The following TLCD4 variants were observed in gnomAD, a reference collection of about 807,000 sequenced individuals.
TLCD4 encodes the protein TLC domain-containing protein 4.
In TLCD4, 7 loss-of-function variants were observed where a neutral mutation model predicts 24.2. The ratio of observed to expected loss-of-function variants is 0.29; its 90% CI spans 0.16 to 0.54. TLCD4 has a LOEUF of 0.54. TLCD4 is among the 20% of genes least tolerant of loss of function. The pLI, the probability that TLCD4 is intolerant of heterozygous loss-of-function variation, is 0.95. For synonymous variants in TLCD4, 103 were observed against 106.4 expected (o/e 0.97, Z 0.20); for missense variants, 259 against 313.9 (o/e 0.82, Z 1.32).
At chr1:95,127,098 C>T (rs530271238) in intron 1 of TLCD4, among the ~76,000 whole-genome samples, 64 of 152,306 alleles carry the variant, frequency 4.2e-4, no homozygotes, top group Middle Eastern at 3.4e-3. Context: ...TTTAAAGAAC[C>T]CGCAGGTCAC....
At chr1:95,166,414 A>G (rs1362762102) in intron 5 of TLCD4, among the ~76,000 whole-genome samples, 2 of 152,188 alleles carry the variant, frequency 1.3e-5, no homozygotes, top group African/African-American at 4.8e-5. Flanking sequence ...AGTTTAGTTT[A>G]CCCTTAGAAG....
intron 5 of TLCD4, among the ~76,000 whole-genome samples, chr1:95,172,843 G>C (rs1182719615): frequency 6.6e-6 from 1 of 152,018 alleles, no homozygotes; most frequent in Non-Finnish European, 1.5e-5. Flanking sequence ...GGGGTAGGGA[G>C]GACTGTTTTC....
intron 6 of TLCD4, among the ~76,000 whole-genome samples, chr1:95,183,398 G>A (rs2101012335): frequency 6.8e-6 from 1 of 147,134 alleles, no homozygotes; most frequent in Non-Finnish European, 1.5e-5. Flanking sequence ...CGAATTTAGT[G>A]CGGAGATATT....
intron 1 of TLCD4, among the ~76,000 whole-genome samples, chr1:95,123,429 C>A (rs577154659): frequency 2.6e-5 from 4 of 152,290 alleles, no homozygotes; most frequent in Non-Finnish European, 5.9e-5. Flanking sequence ...ACCTTTAAGA[C>A]ATATTTAGCA....
intron 1 of TLCD4, among the ~76,000 whole-genome samples, chr1:95,118,420 C>G (rs1368406451): frequency 2.6e-5 from 4 of 152,122 alleles, no homozygotes; most frequent in Non-Finnish European, 4.4e-5. Flanking sequence ...TTTAATTGTA[C>G]ACACATTTGA....
intron 6 of TLCD4, among the ~76,000 whole-genome samples, chr1:95,187,161 G>A (rs1186354256): frequency 2.6e-5 from 4 of 152,010 alleles, no homozygotes; most frequent in Admixed American, 2.0e-4. Context: ...AAATCAGAAG[G>A]CTGATACAGA....
At chr1:95,107,427 A>G in the TLCD4 span, among the ~76,000 whole-genome samples, 1 of 152,168 alleles carries the variant, frequency 6.6e-6, no homozygotes, top group Admixed American at 6.5e-5. Flanking sequence ...TGTCTTAAAC[A>G]AACAAACAAA....
intron 6 of TLCD4, among the ~76,000 whole-genome samples, chr1:95,188,923 T>G (rs1678930472): frequency 6.6e-6 from 1 of 152,212 alleles, no homozygotes; most frequent in African/African-American, 2.4e-5. Context: ...TCATTGTTTC[T>G]ATGGGCTCCT....
intron 2 of TLCD4, among the ~76,000 whole-genome samples, chr1:95,147,801 A>G (rs1302555257): frequency 6.6e-6 from 1 of 152,228 alleles, no homozygotes; most frequent in Non-Finnish European, 1.5e-5. Context: ...TAAAGATGTG[A>G]GAAATCTGAA....
the TLCD4 span, among the ~76,000 whole-genome samples, chr1:95,101,686 A>C: frequency 4.6e-5 from 7 of 152,246 alleles, no homozygotes; most frequent in East Asian, 1.4e-3. Context: ...GGTGTGAAAA[A>C]CACTGCTTTG....
At chr1:95,133,163 G>A (rs1676942952) in intron 1 of TLCD4, among the ~76,000 whole-genome samples, 1 of 152,128 alleles carries the variant, frequency 6.6e-6, no homozygotes, top group South Asian at 2.1e-4. Flanking sequence ...TGTTTTTGCT[G>A]AGAACTTGAG....
At chr1:95,147,836 G>A (rs1165592978) in intron 2 of TLCD4, among the ~76,000 whole-genome samples, 1 of 152,138 alleles carries the variant, frequency 6.6e-6, no homozygotes, top group Non-Finnish European at 1.5e-5. Context: ...AAACTTTATT[G>A]TATGGATGAA....
chr1:95,181,456 A>G (rs1678638431), intron 6 of TLCD4, among the ~76,000 whole-genome samples: 1 of 152,184 alleles, frequency 6.6e-6, no homozygotes, highest in African/African-American at 2.4e-5. Flanking sequence ...AAATATACCA[A>G]GAGGTAGTTT....
chr1:95,183,871 C>A (rs1678737867), intron 6 of TLCD4, among the ~76,000 whole-genome samples: 1 of 150,934 alleles, frequency 6.6e-6, no homozygotes, highest in African/African-American at 2.4e-5. Context: ...ACAAAAAAAA[C>A]AAAAAAACAA....
chr1:95,150,183 A>T (rs759655537), intron 3 of TLCD4, 25 bp from the exon 4 acceptor site: 37 of 1,599,544 alleles, frequency 2.3e-5, no homozygotes, highest in Middle Eastern at 1.8e-4. Flanking sequence ...ATATACTTTA[A>T]AAAGGAACCT....
chr1:95,181,852 C>T (rs1175614623), intron 6 of TLCD4, among the ~76,000 whole-genome samples: 2 of 152,084 alleles, frequency 1.3e-5, no homozygotes, highest in Non-Finnish European at 2.9e-5. Flanking sequence ...AACTCCTGAC[C>T]TCGTGATCCA....
chr1:95,191,180 C>G (rs1350497110), intron 6 of TLCD4, among the ~76,000 whole-genome samples: 3 of 151,940 alleles, frequency 2.0e-5, no homozygotes, highest in Non-Finnish European at 4.4e-5. Context: ...CTTCATTTTT[C>G]TCGATGTTGA....
intron 3 of TLCD4, among the ~76,000 whole-genome samples, chr1:95,149,426 CACTGCA>C (rs1677432177): frequency 2.0e-5 from 3 of 152,148 alleles, no homozygotes; most frequent in Admixed American, 2.0e-4. Context: ...TTTGAAGAAG[CACTGCA>C]CTGAGATGAG....
intron 5 of TLCD4, among the ~76,000 whole-genome samples, chr1:95,157,971 T>G (rs756184276): frequency 5.3e-5 from 8 of 152,278 alleles, no homozygotes; most frequent in Non-Finnish European, 7.3e-5. Flanking sequence ...GTGGCCCTGT[T>G]CAGACACTAT....
Sources: gnomAD v4.1 joint callset for allele counts (sites outside exome capture counted in the v4.1 genomes callset) on GRCh38, gnomAD v4.1.1 for gene constraint, MANE v1.5 for transcripts, NCBI Gene and HGNC (gene_info 2026-07-23, HGNC 2026-07-21) for gene names.